PSMG2: variants seen among roughly 807,000 people sequenced by gnomAD.
PSMG2 encodes the protein CD40 ligand-activated specific transcript 3.
Under a neutral mutation model 31.5 loss-of-function variants are expected in PSMG2, and 21 were observed. That is an observed-to-expected ratio of 0.67 (90% CI 0.47 to 0.96). PSMG2 has a LOEUF of 0.96. Ranked by LOEUF, PSMG2 falls within the 40% of genes least tolerant of loss-of-function variation. PSMG2 has a pLI of 0.00. For synonymous variants in PSMG2, 120 were observed against 110.4 expected (o/e 1.09, Z -0.54); for missense variants, 318 against 321.2 (o/e 0.99, Z 0.08).
At chr18:12,722,722 AAG>A (rs2040441786) in intron 5 of PSMG2, among the ~76,000 whole-genome samples, 1 of 152,246 alleles carries the variant, frequency 6.6e-6, no homozygotes, top group African/African-American at 2.4e-5. Context: ...CCAAATAAAA[AAG>A]TAATAATAAT....
chr18:12,710,840 T>G (rs1181274819), intron 2 of PSMG2, among the ~76,000 whole-genome samples: 1 of 152,160 alleles, frequency 6.6e-6, no homozygotes, highest in African/African-American at 2.4e-5. Flanking sequence ...TGGCCCATGC[T>G]AGTAATCCTA....
intron 3 of PSMG2, among the ~76,000 whole-genome samples, chr18:12,717,538 C>T (rs2040388641): frequency 6.6e-6 from 1 of 152,204 alleles, no homozygotes; most frequent in South Asian, 2.1e-4. Context: ...CATACTTCCG[C>T]ACACATCTTT....
Position 12,722,601 on chromosome 18 carries a change from A to G in PSMG2, c.582-1898A>G, listed in dbSNP as rs548652174. Among the ~76,000 whole-genome samples, 4 of 152,344 alleles carry G rather than the reference A, an allele frequency of 2.6e-5. No individual in the cohort carries two copies. In the South Asian group the frequency reaches 8.3e-4, roughly 32 times the overall value. On this transcript the variant is annotated intron_variant, in intron 5 of 6. Transcript: ENST00000317615. ...ACAAAGTTAGCGGTGATAAACAGAA[A>G]GTATTATAAAAGTTAGACCTACTCA...
intron 1 of PSMG2, among the ~76,000 whole-genome samples, chr18:12,677,528 C>T (rs1426436580): frequency 6.7e-6 from 1 of 149,220 alleles, no homozygotes; most frequent in East Asian, 1.9e-4. Context: ...AAATTAAAGC[C>T]AGACGTCTAC....
intron 3 of PSMG2, among the ~76,000 whole-genome samples, chr18:12,715,604 C>G (rs2040369041): frequency 6.6e-6 from 1 of 152,044 alleles, no homozygotes; most frequent in Non-Finnish European, 1.5e-5. Flanking sequence ...CTCCTGGGTT[C>G]AAGCAATTCT....
upstream of PSMG2, chr18:12,702,846 C>A: frequency 1.8e-6 from 1 of 569,162 alleles, no homozygotes; most frequent in East Asian, 3.2e-5. Flanking sequence ...GGGCCCCGCA[C>A]CCCGAGACCT....
chr18:12,715,277 G>A (rs2040366461), intron 3 of PSMG2, among the ~76,000 whole-genome samples: 1 of 152,082 alleles, frequency 6.6e-6, no homozygotes, highest in Admixed American at 6.5e-5. Flanking sequence ...CCAAAGTAGT[G>A]GGATTACAGG....
At chr18:12,723,014 G>A (rs970974490) in intron 5 of PSMG2, among the ~76,000 whole-genome samples, 2 of 152,198 alleles carry the variant, frequency 1.3e-5, no homozygotes, top group African/African-American at 2.4e-5. Context: ...AGCCCCTAAG[G>A]TGTTTGAGAA....
At chr18:12,695,852 C>CACACACA (rs2039935665) in intron 1 of PSMG2, among the ~76,000 whole-genome samples, 1 of 148,284 alleles carries the variant, frequency 6.7e-6, no homozygotes, top group African/African-American at 2.5e-5. Context: ...CATTCCTTCT[C>CACACACA]CACACACACA....
intron 1 of PSMG2, among the ~76,000 whole-genome samples, chr18:12,688,172 A>G (rs1442492484): frequency 6.8e-6 from 1 of 146,916 alleles, no homozygotes; most frequent in Non-Finnish European, 1.5e-5. Context: ...CGGAGCTTGC[A>G]GTGAGCCGAG....
intron 1 of PSMG2, among the ~76,000 whole-genome samples, chr18:12,668,413 A>T (rs550357668): frequency 6.6e-6 from 1 of 151,884 alleles, no homozygotes; most frequent in East Asian, 2.0e-4. Flanking sequence ...CAACAAGACA[A>T]AACCCTGTCC....
intron 3 of PSMG2, among the ~76,000 whole-genome samples, chr18:12,716,674 G>A (rs973331362): frequency 1.3e-5 from 2 of 152,116 alleles, no homozygotes; most frequent in Non-Finnish European, 2.9e-5. Context: ...GATTACAGGC[G>A]TGAGCCACCG....
chr18:12,682,667 C>T (rs1324506498), intron 1 of PSMG2, among the ~76,000 whole-genome samples: 1 of 152,048 alleles, frequency 6.6e-6, no homozygotes, highest in Non-Finnish European at 1.5e-5. Context: ...CTCGCTCTGT[C>T]ACCCAGGCTG....
intron 1 of PSMG2, chr18:12,691,198 A>ACT (rs1224765849): frequency 8.3e-6 from 4 of 484,002 alleles, no homozygotes; most frequent in Non-Finnish European, 1.4e-5. Context: ...CTTGCCACTC[A>ACT]CTATGCAGTG....
chr18:12,702,661 G>C (rs888009342), upstream of PSMG2: 5 of 1,253,982 alleles, frequency 4.0e-6, no homozygotes, highest in East Asian at 1.1e-4. Context: ...CGCCGCAGCC[G>C]TTCGCCTAGC....
In PSMG2 at chr18:12,725,485, C is replaced by A. The variant is rs2040467869; in HGVS notation, c.749C>A (p.Ser250Tyr). ...VSASRWKIPS[S>Y]WRLLFGSGLP... ...GCCTCACGGTGGAAAATACCAAGTT[C>A]TTGGAGATTACTCTTTGGCAGTGGT... The change falls in exon 7 of 7, where the codon TCT becomes TAT. Residue 250 changes from serine to tyrosine, a missense_variant. Physicochemically the swap from Ser to Tyr is moderately radical, Grantham distance 144 (BLOSUM62 -2). Coordinates refer to ENST00000317615, the MANE Select transcript of PSMG2 (RefSeq NM_020232.5). The A allele has an allele frequency of 1.9e-6, 3 of 1,607,542 alleles. No individual in the cohort carries two copies. The highest frequency in any genetic ancestry group is 2.6e-6 in the Non-Finnish European group (3 of 1,174,308).
intron 2 of PSMG2, among the ~76,000 whole-genome samples, chr18:12,708,464 A>T (rs2040292122): frequency 6.6e-6 from 1 of 151,650 alleles, no homozygotes; most frequent in African/African-American, 2.4e-5. Flanking sequence ...TTCCAGTTTC[A>T]GGCAGTTCTC....
intron 2 of PSMG2, among the ~76,000 whole-genome samples, chr18:12,709,020 A>C (rs1326177442): frequency 6.6e-6 from 1 of 150,488 alleles, no homozygotes; most frequent in African/African-American, 2.4e-5. Context: ...CGGCCCCCGT[A>C]AACTTTATTT....
intron 4 of PSMG2, among the ~76,000 whole-genome samples, chr18:12,720,062 T>A (rs1274016693): frequency 2.6e-5 from 4 of 152,142 alleles, no homozygotes; most frequent in Admixed American, 6.6e-5. Flanking sequence ...TTTTATTCTT[T>A]TGGGGATGGA....
Sources: gnomAD v4.1 joint callset for allele counts (sites outside exome capture counted in the v4.1 genomes callset) on GRCh38, gnomAD v4.1.1 for gene constraint, MANE v1.5 for transcripts, NCBI Gene and HGNC (gene_info 2026-07-23, HGNC 2026-07-21) for gene names.